The following SAMD12 variants were observed in gnomAD, a reference collection of about 807,000 sequenced individuals.
The protein encoded by SAMD12 is sterile alpha motif domain containing 12.
SAMD12 carries 9 observed loss-of-function variants against 15.0 expected under a neutral mutation model. The ratio of observed to expected loss-of-function variants is 0.60; its 90% CI spans 0.36 to 1.05. SAMD12 has a LOEUF of 1.05. Ranked by LOEUF, SAMD12 falls within the 50% of genes least tolerant of loss-of-function variation. The pLI is 0.01. For synonymous variants in SAMD12, 86 were observed against 90.1 expected (o/e 0.96, Z 0.25); for missense variants, 230 against 234.2 (o/e 0.98, Z 0.12).
the SAMD12 span, among the ~76,000 whole-genome samples, chr8:118,173,344 G>A: frequency 6.6e-6 from 1 of 152,078 alleles, no homozygotes; most frequent in South Asian, 2.1e-4. Flanking sequence ...GAGCAGAAGG[G>A]CAAGCTGGTG....
Position 118,447,538 on chromosome 8 carries a change from C to T in SAMD12, c.193-7577G>A, listed in dbSNP as rs555242984. ...CAGGTTGGTCTCGAACTCCTGACCTCGTGATTTGCCTGCCTCGGCCTCCCA... is the reference window on the plus strand; with the variant it reads ...CAGGTTGGTCTCGAACTCCTGACCTTGTGATTTGCCTGCCTCGGCCTCCCA... On this transcript the variant is annotated intron_variant, in intron 2 of 3. Transcript: ENST00000314727. Among the ~76,000 whole-genome samples, 139 of 151,980 alleles carry T rather than the reference C, an allele frequency of 9.1e-4. 3 individuals carry two copies. The South Asian group carries it at 0.01, about 11-fold the overall frequency.
At chr8:118,432,107 G>C (rs561944689) in intron 3 of SAMD12, among the ~76,000 whole-genome samples, 1 of 152,150 alleles carries the variant, frequency 6.6e-6, no homozygotes, top group African/African-American at 2.4e-5. Context: ...TTGTTTATTA[G>C]TTCCACTTCT....
intron 4 of SAMD12, among the ~76,000 whole-genome samples, chr8:118,364,201 T>C (rs916171212): frequency 1.3e-5 from 2 of 152,132 alleles, no homozygotes; most frequent in Non-Finnish European, 2.9e-5. Flanking sequence ...GCACAGGAAA[T>C]TGTAGAGTCT....
chr8:118,529,607 A>G (rs1194307637), intron 2 of SAMD12, among the ~76,000 whole-genome samples: 1 of 152,142 alleles, frequency 6.6e-6, no homozygotes, highest in Non-Finnish European at 1.5e-5. Flanking sequence ...CAATGCACAC[A>G]CATTATTTAG....
chr8:118,322,018 G>A (rs188755843), intron 4 of SAMD12, among the ~76,000 whole-genome samples: 6 of 152,240 alleles, frequency 3.9e-5, no homozygotes, highest in Admixed American at 2.6e-4. Flanking sequence ...CAATCTGGAA[G>A]ATTATCCCTC....
chr8:118,477,649 T>C (rs1326368330), intron 2 of SAMD12, among the ~76,000 whole-genome samples: 1 of 152,170 alleles, frequency 6.6e-6, no homozygotes, highest in Non-Finnish European at 1.5e-5. Flanking sequence ...CAATGGACAT[T>C]GGGAACAGGA....
intron 4 of SAMD12, among the ~76,000 whole-genome samples, chr8:118,230,561 G>A (rs1412628917): frequency 6.6e-6 from 1 of 152,096 alleles, no homozygotes; most frequent in Non-Finnish European, 1.5e-5. Context: ...CACAATTTGT[G>A]TGACCTATAG....
chr8:118,260,368 T>C (rs1474718156), intron 4 of SAMD12, among the ~76,000 whole-genome samples: 1 of 152,094 alleles, frequency 6.6e-6, no homozygotes, highest in African/African-American at 2.4e-5. Context: ...AGCTAGTAGC[T>C]CTATTATCTG....
intron 2 of SAMD12, among the ~76,000 whole-genome samples, chr8:118,441,398 G>C (rs1298246816): frequency 2.0e-5 from 3 of 150,844 alleles, no homozygotes; most frequent in African/African-American, 7.3e-5. Flanking sequence ...GAGTCATAGT[G>C]AAAACAGTGG....
At chr8:118,497,080 G>A (rs574067131) in intron 2 of SAMD12, among the ~76,000 whole-genome samples, 14 of 152,260 alleles carry the variant, frequency 9.2e-5, no homozygotes, top group Middle Eastern at 6.8e-3. Flanking sequence ...AGATGTTGGC[G>A]ACATTGCAGA....
chr8:118,151,820 A>G, the SAMD12 span, among the ~76,000 whole-genome samples: 1 of 140,490 alleles, frequency 7.1e-6, no homozygotes, highest in Non-Finnish European at 1.6e-5. Flanking sequence ...ACAGACAGAG[A>G]CTCTGTCTCA....
chr8:118,265,081 G>T (rs921962533), intron 4 of SAMD12, among the ~76,000 whole-genome samples: 2 of 152,110 alleles, frequency 1.3e-5, no homozygotes, highest in Non-Finnish European at 2.9e-5. Context: ...TACTAAGCTT[G>T]CTAAGTATTC....
Position 118,552,273 on chromosome 8 carries a change from C to T in SAMD12, c.192+28442G>A, listed in dbSNP as rs1043112944. On this transcript the variant is annotated intron_variant, in intron 2 of 3. Transcript: ENST00000314727. ...CCTTGATGAACATTGATGCAAAAAT[C>T]CTCAATAAAATACCGGCAAACCGAA... Among the ~76,000 whole-genome samples the T allele has an allele frequency of 6.8e-3, 1,032 of 152,206 alleles. 12 individuals carry two copies. The highest frequency in any genetic ancestry group is 0.023 in the African/African-American group (938 of 41,524).
At chr8:118,165,635 TAC>T in the SAMD12 span, among the ~76,000 whole-genome samples, 845 of 129,428 alleles carry the variant, frequency 6.5e-3, 15 homozygotes, top group African/African-American at 0.023. Context: ...TATATATATA[TAC>T]ATATATATAT....
chr8:118,179,641 A>G, the SAMD12 span, among the ~76,000 whole-genome samples: 3 of 152,106 alleles, frequency 2.0e-5, no homozygotes, highest in Non-Finnish European at 4.4e-5. Context: ...CTTACCTTTT[A>G]AAGGTGAAGT....
intron 4 of SAMD12, among the ~76,000 whole-genome samples, chr8:118,217,962 T>C (rs1812001476): frequency 6.6e-6 from 1 of 152,198 alleles, no homozygotes; most frequent in African/African-American, 2.4e-5. Context: ...AAATTCTCCA[T>C]GGTGCCTCAC....
At chr8:118,177,394 T>A in the SAMD12 span, among the ~76,000 whole-genome samples, 5 of 151,978 alleles carry the variant, frequency 3.3e-5, no homozygotes, top group Non-Finnish European at 7.4e-5. Flanking sequence ...GCATGCACCA[T>A]GTCCAGCTAA....
In SAMD12 at chr8:118,348,296, T is replaced by C. The variant is rs1817768363; in HGVS notation, c.433+31264A>G. 2.0e-5 allele frequency among the ~76,000 whole-genome samples: 3 copies of C among 152,242 alleles called. No individual in the cohort carries two copies. In the East Asian group the frequency reaches 5.8e-4, roughly 29 times the overall value. On this transcript the variant is annotated intron_variant, in intron 4 of 4. Transcript: ENST00000409003. ...GTTGCCCAGGCTGGTCTCGAACTGC[T>C]GGCCTCAAGTGATCCACCTGCCTCG...
In SAMD12 at chr8:118,224,515, C is replaced by T. The variant is rs577884724; in HGVS notation, c.434-26783G>A. On this transcript the variant is annotated intron_variant, in intron 4 of 4. Coordinates refer to the SAMD12 transcript ENST00000409003. ...GTTTGTTTAAGGATGGGGCCAATTA[C>T]GTGAATAAGGGTGATATTTGCTGAA... Among the ~76,000 whole-genome samples, 4 of 152,068 alleles carry T rather than the reference C, an allele frequency of 2.6e-5. 1 individual carries two copies. The South Asian group carries it at 8.3e-4, about 32-fold the overall frequency.
Sources: gnomAD v4.1 joint callset for allele counts (sites outside exome capture counted in the v4.1 genomes callset) on GRCh38, gnomAD v4.1.1 for gene constraint, MANE v1.5 for transcripts, NCBI Gene and HGNC (gene_info 2026-07-23, HGNC 2026-07-21) for gene names.